Variants in BABAM2 observed in about 807,000 individuals in gnomAD.
The protein encoded by BABAM2 is BRISC and BRCA1 A complex member 2.
A neutral mutation model predicts 54.7 loss-of-function variants in BABAM2; 31 were observed. That is an observed-to-expected ratio of 0.57 (90% CI 0.43 to 0.77). The LOEUF (loss-of-function observed/expected upper bound fraction) is 0.77, where lower values mean the gene tolerates loss of function less well. BABAM2 is among the 30% of genes least tolerant of loss of function. BABAM2 has a pLI of 0.00. For synonymous variants in BABAM2, 167 were observed against 162.9 expected, an observed-to-expected ratio of 1.03 and a Z score of -0.19; for missense variants, 364 against 455.8, an observed-to-expected ratio of 0.80 and a Z score of 1.83.
At chr2:27,947,745 A>G (rs1669406868) in intron 3 of BABAM2, among the ~76,000 whole-genome samples, 1 of 152,100 alleles carries the variant, frequency 6.6e-6, no homozygotes, top group African/African-American at 2.4e-5. Flanking sequence ...TTTAGGTTTT[A>G]TGTTCAGGTT....
chr2:28,327,551 A>G, intron 11 of BABAM2: 1 of 1,326,752 alleles, frequency 7.5e-7, no homozygotes, highest in Non-Finnish European at 1.0e-6. Flanking sequence ...AAGTCCTCCT[A>G]AAACGGCATT....
chr2:27,996,664 CA>C (rs1673168041), intron 4 of BABAM2, among the ~76,000 whole-genome samples: 1 of 152,170 alleles, frequency 6.6e-6, no homozygotes, highest in Admixed American at 6.5e-5. Context: ...AACACTCTGC[CA>C]AAAGCTCCAA....
intron 3 of BABAM2, among the ~76,000 whole-genome samples, chr2:27,937,957 T>G (rs531450420): frequency 6.6e-6 from 1 of 152,238 alleles, no homozygotes; most frequent in Admixed American, 6.5e-5. Context: ...TTTAACTCTT[T>G]AATCCTTTTT....
chr2:28,153,718 C>A (rs1257686252), intron 7 of BABAM2, among the ~76,000 whole-genome samples: 1 of 152,072 alleles, frequency 6.6e-6, no homozygotes, highest in Non-Finnish European at 1.5e-5. Flanking sequence ...CCAGACCTAC[C>A]AAATCAGAAT....
At chr2:27,903,855 TA>T (rs1318417228) in intron 2 of BABAM2, among the ~76,000 whole-genome samples, 8 of 152,202 alleles carry the variant, frequency 5.3e-5, no homozygotes, top group Admixed American at 1.3e-4. Context: ...AACATCAGCA[TA>T]TTTTTTTTTA....
At chr2:27,955,933 G>A (rs1429425601) in intron 3 of BABAM2, among the ~76,000 whole-genome samples, 1 of 151,382 alleles carries the variant, frequency 6.6e-6, no homozygotes, top group Non-Finnish European at 1.5e-5. Context: ...AGAAAAATGA[G>A]CAATTTTCCT....
intron 2 of BABAM2, chr2:27,896,372 G>C (rs1294532263): frequency 1.3e-5 from 2 of 158,046 alleles, no homozygotes; most frequent in Non-Finnish European, 2.8e-5. Flanking sequence ...GGTAGGGGCA[G>C]CCTAGATTCC....
chr2:28,138,259 T>C (rs1670717233), intron 7 of BABAM2, among the ~76,000 whole-genome samples: 2 of 152,144 alleles, frequency 1.3e-5, no homozygotes, highest in African/African-American at 4.8e-5. Context: ...ACCCTCAGAT[T>C]GAGAAAGTCC....
intron 7 of BABAM2, among the ~76,000 whole-genome samples, chr2:28,139,321 C>CAAAAAAAAAAAAAAAAA (rs768755922): frequency 7.7e-4 from 67 of 87,000 alleles, no homozygotes; most frequent in East Asian, 1.8e-3. Context: ...AACTCCGTCT[C>CAAAAAAAAAAAAAAAAA]AAAAAAAAAA....
At chr2:28,192,273 A>G (rs968909552) in intron 7 of BABAM2, among the ~76,000 whole-genome samples, 9 of 152,168 alleles carry the variant, frequency 5.9e-5, no homozygotes, top group African/African-American at 1.9e-4. Context: ...TGACCTCGTG[A>G]TCTGCCTGCC....
chr2:28,170,843 GT>G (rs887719365), intron 7 of BABAM2, among the ~76,000 whole-genome samples: 1 of 152,038 alleles, frequency 6.6e-6, no homozygotes, highest in South Asian at 2.1e-4. Context: ...ATCTTATAAC[GT>G]TTTTTAAAGT....
intron 7 of BABAM2, among the ~76,000 whole-genome samples, chr2:28,141,568 A>G (rs1228661898): frequency 6.6e-6 from 1 of 152,106 alleles, no homozygotes; most frequent in Non-Finnish European, 1.5e-5. Context: ...ACAAACACCT[A>G]GGTTTCCTAA....
chr2:28,118,396 C>G (rs1182561449), intron 6 of BABAM2, among the ~76,000 whole-genome samples: 1 of 152,090 alleles, frequency 6.6e-6, no homozygotes, highest in East Asian at 1.9e-4. Context: ...TTCCTGACTT[C>G]TTAATAATTG....
chr2:28,048,417 G>A (rs2148616610), intron 6 of BABAM2, among the ~76,000 whole-genome samples: 1 of 152,302 alleles, frequency 6.6e-6, no homozygotes, highest in East Asian at 1.9e-4. Flanking sequence ...TGAAGATGAA[G>A]TCTGATTTCA....
At chr2:28,011,207 T>C (rs1467189948) in intron 4 of BABAM2, among the ~76,000 whole-genome samples, 1 of 152,208 alleles carries the variant, frequency 6.6e-6, no homozygotes, top group Non-Finnish European at 1.5e-5. Context: ...AATGTATGTT[T>C]AGACCAAGGA....
At chr2:28,101,977 T>C (rs1667120195) in intron 6 of BABAM2, among the ~76,000 whole-genome samples, 1 of 152,164 alleles carries the variant, frequency 6.6e-6, no homozygotes, top group South Asian at 2.1e-4. Context: ...CTCTCTGTAG[T>C]TGCTAGAAAA....
chr2:28,207,765 A>AT (rs1174770708), intron 7 of BABAM2, among the ~76,000 whole-genome samples: 1 of 152,184 alleles, frequency 6.6e-6, no homozygotes, highest in Admixed American at 6.5e-5. Flanking sequence ...CCTCCAAAGG[A>AT]TTTTAAGTTT....
At chr2:28,333,561 G>A (rs1691151347) in intron 11 of BABAM2, among the ~76,000 whole-genome samples, 3 of 152,280 alleles carry the variant, frequency 2.0e-5, no homozygotes, top group Admixed American at 6.5e-5. Flanking sequence ...CAGTCCTTAC[G>A]TTTTCTTCTC....
chr2:27,994,699 A>G (rs1444127672), intron 4 of BABAM2, among the ~76,000 whole-genome samples: 1 of 152,190 alleles, frequency 6.6e-6, no homozygotes, highest in Admixed American at 6.5e-5. Flanking sequence ...CCATTCTACT[A>G]TTGATTGACA....
Sources: allele counts gnomAD v4.1 joint callset (sites outside exome capture counted in the v4.1 genomes callset), GRCh38; gene constraint gnomAD v4.1.1; transcripts MANE v1.5; gene names NCBI Gene and HGNC (gene_info 2026-07-23, HGNC 2026-07-21).